SV2C: variants seen among roughly 807,000 people sequenced by gnomAD.
SV2C encodes the protein synaptic vesicle glycoprotein 2C.
In SV2C, 49 loss-of-function variants were observed where a neutral mutation model predicts 79.7. The ratio of observed to expected loss-of-function variants is 0.61; its 90% CI spans 0.49 to 0.78. SV2C has a LOEUF of 0.78. Ranked by LOEUF, SV2C falls within the 30% of genes least tolerant of loss-of-function variation. The pLI is 0.00. For missense variants in SV2C, 833 were observed against 912.9 expected, an observed-to-expected ratio of 0.91 and a Z score of 1.13; for synonymous variants, 334 against 333.2, an observed-to-expected ratio of 1.00 and a Z score of -0.03.
intron 4 of SV2C, chr5:76,281,001 G>A: frequency 1.9e-6 from 1 of 539,476 alleles, no homozygotes; most frequent in South Asian, 1.4e-5. Flanking sequence ...GCACAGGGAG[G>A]CAGAAATGAG....
intron 12 of SV2C, among the ~76,000 whole-genome samples, chr5:76,315,668 A>G (rs1056297618): frequency 6.6e-6 from 1 of 152,220 alleles, no homozygotes; most frequent in Admixed American, 6.5e-5. Context: ...CAACTGAGTA[A>G]CAGTTGGAAG....
the SV2C span, among the ~76,000 whole-genome samples, chr5:75,890,230 T>G: frequency 6.6e-6 from 1 of 152,114 alleles, no homozygotes. Context: ...GTTCTTTCAT[T>G]TGCCTAGGTC....
chr5:76,135,295 G>T (rs1215785300), intron 2 of SV2C, among the ~76,000 whole-genome samples: 1 of 152,352 alleles, frequency 6.6e-6, no homozygotes, highest in East Asian at 1.9e-4. Context: ...AATCAAAGAG[G>T]AGTGCCAATG....
chr5:76,111,696 A>G (rs1748103844), intron 1 of SV2C, among the ~76,000 whole-genome samples: 1 of 152,072 alleles, frequency 6.6e-6, no homozygotes, highest in Non-Finnish European at 1.5e-5. Flanking sequence ...ATCAAAGTTA[A>G]TTTACTTTCT....
At chr5:76,147,742 G>A (rs72773703) in intron 2 of SV2C, among the ~76,000 whole-genome samples, 2,331 of 152,214 alleles carry the variant, frequency 0.015, 27 homozygotes, top group Non-Finnish European at 0.023. Context: ...CTTCATTTAT[G>A]TAACTTTTTT....
the SV2C span, among the ~76,000 whole-genome samples, chr5:75,984,066 G>A: frequency 6.6e-6 from 1 of 152,058 alleles, no homozygotes; most frequent in Non-Finnish European, 1.5e-5. Context: ...AGGGAACCCT[G>A]CCAAGATCAG....
chr5:76,047,552 C>T, the SV2C span, among the ~76,000 whole-genome samples: 13 of 151,848 alleles, frequency 8.6e-5, no homozygotes, highest in African/African-American at 2.9e-4. Flanking sequence ...TAGCTGATTG[C>T]TTTAAATTGG....
the SV2C span, among the ~76,000 whole-genome samples, chr5:75,966,232 T>C: frequency 6.6e-6 from 1 of 152,242 alleles, no homozygotes; most frequent in Non-Finnish European, 1.5e-5. Context: ...ATGATTGAGA[T>C]TTATGCTTAG....
chr5:76,225,406 G>A (rs1237892717), intron 4 of SV2C, among the ~76,000 whole-genome samples: 1 of 152,188 alleles, frequency 6.6e-6, no homozygotes, highest in Non-Finnish European at 1.5e-5. Context: ...AGACAAAAGG[G>A]AGTTACTTGG....
At chr5:76,208,274 C>G (rs1354921275) in intron 3 of SV2C, among the ~76,000 whole-genome samples, 2 of 152,126 alleles carry the variant, frequency 1.3e-5, no homozygotes, top group Non-Finnish European at 2.9e-5. Context: ...TATGCTTATC[C>G]TTATTACTTA....
At chr5:76,122,179 A>G (rs1349870602) in intron 1 of SV2C, among the ~76,000 whole-genome samples, 1,610 of 145,776 alleles carry the variant, frequency 0.011, 33 homozygotes, top group African/African-American at 0.043. Flanking sequence ...TTTGTCTGTT[A>G]TTGGTGTATA....
chr5:76,247,295 T>C (rs1745974778), intron 4 of SV2C, among the ~76,000 whole-genome samples: 1 of 149,550 alleles, frequency 6.7e-6, no homozygotes, highest in Non-Finnish European at 1.5e-5. Flanking sequence ...ACAGATGGGA[T>C]GCTAAACACT....
chr5:75,970,692 A>G, the SV2C span, among the ~76,000 whole-genome samples: 1 of 152,128 alleles, frequency 6.6e-6, no homozygotes, highest in Non-Finnish European at 1.5e-5. Context: ...ATAGCTTACC[A>G]ACCAAAAAAA....
At chr5:76,223,491 A>ATATGTATATG (rs1745145487) in intron 4 of SV2C, among the ~76,000 whole-genome samples, 1 of 37,492 alleles carries the variant, frequency 2.7e-5, no homozygotes, top group Non-Finnish European at 4.5e-5. Flanking sequence ...ATATATATAT[A>ATATGTATATG]TATATGTATA....
chr5:76,157,374 AT>A (rs1395768815), intron 2 of SV2C, among the ~76,000 whole-genome samples: 2 of 152,054 alleles, frequency 1.3e-5, no homozygotes, highest in East Asian at 3.8e-4. Flanking sequence ...AACAGAAATA[AT>A]TTGTTTCTAA....
chr5:76,214,613 G>C (rs553680536), intron 4 of SV2C, among the ~76,000 whole-genome samples: 91 of 152,260 alleles, frequency 6.0e-4, no homozygotes, highest in African/African-American at 2.1e-3. Context: ...AGATCTGTTT[G>C]AGTAGCATTG....
intron 1 of SV2C, among the ~76,000 whole-genome samples, chr5:76,090,535 C>A (rs1308842256): frequency 6.6e-6 from 1 of 152,138 alleles, no homozygotes. Flanking sequence ...TAATTACAAT[C>A]ATCTAGTGTG....
At chr5:76,229,616 T>C (rs1369586138) in intron 4 of SV2C, among the ~76,000 whole-genome samples, 1 of 152,238 alleles carries the variant, frequency 6.6e-6, no homozygotes, top group East Asian at 1.9e-4. Flanking sequence ...TAAAGTGTAG[T>C]TAGCCCCTAC....
intron 4 of SV2C, among the ~76,000 whole-genome samples, chr5:76,283,327 C>A (rs6891108): frequency 0.1 from 15,703 of 152,100 alleles, 850 homozygotes; most frequent in Admixed American, 0.14. Flanking sequence ...AAACAAAAAC[C>A]AAAACAAAAG....
Sources: gnomAD v4.1 joint callset for allele counts (sites outside exome capture counted in the v4.1 genomes callset) on GRCh38, gnomAD v4.1.1 for gene constraint, MANE v1.5 for transcripts, NCBI Gene and HGNC (gene_info 2026-07-23, HGNC 2026-07-21) for gene names.